The following CDH13 variants were observed in gnomAD, a reference collection of about 807,000 sequenced individuals.
CDH13 encodes the protein cadherin 13.
In CDH13, 24 loss-of-function variants were observed where a neutral mutation model predicts 63.8. The observed-to-expected ratio is 0.38, with a 90% CI of 0.27 to 0.53. The LOEUF (loss-of-function observed/expected upper bound fraction) is 0.53, where lower values mean the gene tolerates loss of function less well. Ranked by LOEUF, CDH13 falls within the 20% of genes least tolerant of loss-of-function variation. The probability of loss-of-function intolerance (pLI) is 0.85; values close to 1 mark genes in which losing one functional copy is unlikely to be tolerated. For synonymous variants in CDH13, 503 were observed against 355.3 expected, an observed-to-expected ratio of 1.42 and a Z score of -4.67; for missense variants, 1,049 against 903.1, an observed-to-expected ratio of 1.16 and a Z score of -2.07.
intron 11 of CDH13, among the ~76,000 whole-genome samples, chr16:83,777,755 T>A (rs1237035706): frequency 6.6e-6 from 1 of 152,204 alleles, no homozygotes; most frequent in Non-Finnish European, 1.5e-5. Flanking sequence ...TCACTACCCT[T>A]CTAACCCCCG....
chr16:83,239,679 C>A (rs976575495), intron 5 of CDH13, among the ~76,000 whole-genome samples: 13 of 152,204 alleles, frequency 8.5e-5, no homozygotes, highest in Admixed American at 8.5e-4. Flanking sequence ...TACTCTCATT[C>A]ACTCACTGGC....
chr16:82,917,191 G>T (rs902875046), intron 2 of CDH13, among the ~76,000 whole-genome samples: 2 of 152,134 alleles, frequency 1.3e-5, no homozygotes, highest in African/African-American at 4.8e-5. Context: ...AGAAAGGACC[G>T]CATTAACTCT....
At chr16:83,149,428 G>T (rs184878834) in intron 4 of CDH13, among the ~76,000 whole-genome samples, 1 of 152,106 alleles carries the variant, frequency 6.6e-6, no homozygotes, top group Non-Finnish European at 1.5e-5. Context: ...TCCATGATAG[G>T]ATCACAACAG....
chr16:83,278,009 G>T (rs1385527818), intron 5 of CDH13, among the ~76,000 whole-genome samples: 2 of 152,112 alleles, frequency 1.3e-5, no homozygotes, highest in East Asian at 1.9e-4. Flanking sequence ...TTAAAATTAT[G>T]ATTTCTATTG....
At chr16:83,301,410 G>A (rs948842946) in intron 5 of CDH13, among the ~76,000 whole-genome samples, 3 of 151,994 alleles carry the variant, frequency 2.0e-5, no homozygotes, top group Admixed American at 6.6e-5. Flanking sequence ...CCATTTTCAG[G>A]CTGTGCCGTG....
chr16:82,872,820 T>A (rs1302400144), intron 2 of CDH13, among the ~76,000 whole-genome samples: 1 of 152,172 alleles, frequency 6.6e-6, no homozygotes, highest in Non-Finnish European at 1.5e-5. Context: ...TTTAGCCAAC[T>A]ATAGAAGAAA....
At chr16:83,005,065 A>T (rs988742700) in intron 2 of CDH13, among the ~76,000 whole-genome samples, 3 of 152,152 alleles carry the variant, frequency 2.0e-5, no homozygotes, top group Non-Finnish European at 2.9e-5. Flanking sequence ...GCTGAGTCAC[A>T]TGGCTATGGC....
At chr16:82,741,863 G>C (rs78220397) in intron 1 of CDH13, among the ~76,000 whole-genome samples, 2,030 of 152,160 alleles carry the variant, frequency 0.013, 55 homozygotes, top group African/African-American at 0.046. Flanking sequence ...AACTTTCAGG[G>C]ATTTTTATCA....
chr16:82,747,740 T>A (rs769373496), intron 1 of CDH13, among the ~76,000 whole-genome samples: 1 of 152,212 alleles, frequency 6.6e-6, no homozygotes, highest in African/African-American at 2.4e-5. Context: ...AAGGTGTACT[T>A]TTTAAGTGTC....
At chr16:83,697,060 A>G (rs1488610402) in intron 10 of CDH13, among the ~76,000 whole-genome samples, 3 of 152,172 alleles carry the variant, frequency 2.0e-5, no homozygotes, top group African/African-American at 7.2e-5. Context: ...TGCAAACATC[A>G]TTCCCTCTGC....
chr16:83,161,163 G>T (rs1334733692), intron 4 of CDH13, among the ~76,000 whole-genome samples: 1 of 152,092 alleles, frequency 6.6e-6, no homozygotes. Flanking sequence ...GGCTATATTG[G>T]ACCACTATAC....
chr16:83,120,391 G>T (rs1361068301), intron 3 of CDH13, among the ~76,000 whole-genome samples: 1 of 152,124 alleles, frequency 6.6e-6, no homozygotes, highest in Non-Finnish European at 1.5e-5. Context: ...CCCATTTGTG[G>T]GTATGAAAAC....
chr16:83,302,674 GT>G (rs2089776776), intron 5 of CDH13, among the ~76,000 whole-genome samples: 1 of 152,190 alleles, frequency 6.6e-6, no homozygotes, highest in South Asian at 2.1e-4. Context: ...GGAGCTCATA[GT>G]CTAAGAGTGG....
chr16:83,433,638 T>C (rs1213767124), intron 6 of CDH13, among the ~76,000 whole-genome samples: 2 of 152,166 alleles, frequency 1.3e-5, no homozygotes, highest in East Asian at 1.9e-4. Flanking sequence ...CACCAGAAGA[T>C]TCATTACCCC....
chr16:83,086,940 G>T (rs1027954156), intron 3 of CDH13, among the ~76,000 whole-genome samples: 2 of 151,998 alleles, frequency 1.3e-5, no homozygotes, highest in Non-Finnish European at 2.9e-5. Flanking sequence ...ACATAGAAGA[G>T]GTTTTATTAT....
At chr16:82,700,160 T>G (rs2030807938) in intron 1 of CDH13, among the ~76,000 whole-genome samples, 1 of 152,234 alleles carries the variant, frequency 6.6e-6, no homozygotes, top group Non-Finnish European at 1.5e-5. Flanking sequence ...TCATTTAGGT[T>G]AAAGAAATTT....
chr16:83,690,132 C>T (rs527437409), intron 10 of CDH13, among the ~76,000 whole-genome samples: 1 of 152,230 alleles, frequency 6.6e-6, no homozygotes, highest in South Asian at 2.1e-4. Flanking sequence ...AAGATCACGC[C>T]ACTGCACTCC....
At chr16:82,996,740 G>A (rs1912243998) in intron 2 of CDH13, among the ~76,000 whole-genome samples, 1 of 152,146 alleles carries the variant, frequency 6.6e-6, no homozygotes. Flanking sequence ...TAGTGATGAT[G>A]ATTATGGTAA....
At chr16:83,613,195 C>G (rs954944875) in intron 8 of CDH13, among the ~76,000 whole-genome samples, 10 of 152,172 alleles carry the variant, frequency 6.6e-5, no homozygotes, top group African/African-American at 2.4e-4. Context: ...AGAAACGTGT[C>G]TCTTTTCTCT....
Sources: gnomAD v4.1 joint callset for allele counts (sites outside exome capture counted in the v4.1 genomes callset) on GRCh38, gnomAD v4.1.1 for gene constraint, MANE v1.5 for transcripts, NCBI Gene and HGNC (gene_info 2026-07-23, HGNC 2026-07-21) for gene names.